CNBD1: variants seen among roughly 807,000 people sequenced by gnomAD.
The protein encoded by CNBD1 is cyclic nucleotide-binding domain-containing protein 1.
CNBD1 carries 71 observed loss-of-function variants against 54.4 expected under a neutral mutation model. That is an observed-to-expected ratio of 1.30 (90% CI 1.08 to 1.59). The LOEUF (loss-of-function observed/expected upper bound fraction) is 1.59. Among genes scored for constraint, CNBD1 ranks in the 40% most tolerant of loss-of-function variants. The pLI is 0.00. For synonymous variants in CNBD1, 182 were observed against 170.7 expected, an observed-to-expected ratio of 1.07 and a Z score of -0.51; for missense variants, 659 against 518.0, an observed-to-expected ratio of 1.27 and a Z score of -2.64.
At chr8:87,303,775 C>G (rs879783258) in intron 8 of CNBD1, among the ~76,000 whole-genome samples, 2 of 126,204 alleles carry the variant, frequency 1.6e-5, no homozygotes, top group Admixed American at 1.5e-4. Context: ...ACAATGAACT[C>G]AAACAAATTT....
chr8:87,056,297 G>A (rs1472125231), intron 4 of CNBD1, among the ~76,000 whole-genome samples: 1 of 152,198 alleles, frequency 6.6e-6, no homozygotes, highest in African/African-American at 2.4e-5. Flanking sequence ...TGGGCTGGGA[G>A]ATGAGGAATG....
chr8:87,038,675 T>G (rs1457384242), intron 4 of CNBD1, among the ~76,000 whole-genome samples: 2 of 152,254 alleles, frequency 1.3e-5, no homozygotes, highest in African/African-American at 4.8e-5. Flanking sequence ...GGCCATTCAT[T>G]ACCTTTACAA....
chr8:87,010,269 A>T (rs1809188978), intron 4 of CNBD1, among the ~76,000 whole-genome samples: 1 of 151,952 alleles, frequency 6.6e-6, no homozygotes, highest in African/African-American at 2.4e-5. Flanking sequence ...ACAATGGTTC[A>T]TGTGTTCCTG....
At chr8:87,303,863 A>G (rs1809077873) in intron 8 of CNBD1, among the ~76,000 whole-genome samples, 1 of 152,096 alleles carries the variant, frequency 6.6e-6, no homozygotes, top group South Asian at 2.1e-4. Flanking sequence ...AAGATATTAA[A>G]CAGCCAAAAG....
intron 8 of CNBD1, among the ~76,000 whole-genome samples, chr8:87,326,458 G>A (rs1363595078): frequency 1.6e-5 from 2 of 125,178 alleles, no homozygotes; most frequent in Non-Finnish European, 3.6e-5. Flanking sequence ...ACATAGATTT[G>A]GTCTTTTCAC....
chr8:86,933,531 A>G (rs970538505), intron 3 of CNBD1, among the ~76,000 whole-genome samples: 1 of 152,208 alleles, frequency 6.6e-6, no homozygotes, highest in East Asian at 1.9e-4. Flanking sequence ...TAAAAAACTA[A>G]AATGGTCTTT....
chr8:87,017,474 T>A (rs1297791787), intron 4 of CNBD1, among the ~76,000 whole-genome samples: 1 of 152,212 alleles, frequency 6.6e-6, no homozygotes, highest in East Asian at 1.9e-4. Flanking sequence ...ACTGCTTTGC[T>A]ATGGAATATT....
intron 3 of CNBD1, among the ~76,000 whole-genome samples, chr8:86,918,706 C>T (rs1490426012): frequency 6.6e-6 from 1 of 151,320 alleles, no homozygotes; most frequent in Non-Finnish European, 1.5e-5. Context: ...AACTGTGAGT[C>T]CATCAAATCT....
chr8:86,868,580 C>CT (rs74357701), intron 1 of CNBD1, among the ~76,000 whole-genome samples: 3 of 152,026 alleles, frequency 2.0e-5, no homozygotes, highest in South Asian at 2.1e-4. Context: ...ATCTGCCCCC[C>CT]TCAGCCTCCC....
intron 5 of CNBD1, among the ~76,000 whole-genome samples, chr8:87,234,325 AC>A (rs1807528831): frequency 2.0e-5 from 3 of 152,200 alleles, no homozygotes; most frequent in Admixed American, 1.3e-4. Context: ...TGTCCAGTTT[AC>A]TTTGCCCAGC....
intron 4 of CNBD1, among the ~76,000 whole-genome samples, chr8:87,021,092 T>C (rs1167859301): frequency 2.0e-5 from 3 of 152,356 alleles, no homozygotes; most frequent in Middle Eastern, 3.4e-3. Context: ...ATTTCTTAAA[T>C]GTATTTGATT....
intron 4 of CNBD1, among the ~76,000 whole-genome samples, chr8:87,185,929 A>G (rs900034555): frequency 2.6e-5 from 4 of 152,078 alleles, no homozygotes; most frequent in East Asian, 1.9e-4. Flanking sequence ...CCCATTCTTT[A>G]TCATAGAAAT....
intron 8 of CNBD1, among the ~76,000 whole-genome samples, chr8:87,325,834 G>A (rs1478846022): frequency 6.8e-6 from 1 of 147,620 alleles, no homozygotes; most frequent in Non-Finnish European, 1.5e-5. Context: ...GTGTGAATCT[G>A]ATCCTGTCAT....
intron 4 of CNBD1, among the ~76,000 whole-genome samples, chr8:87,098,416 A>G (rs1302446195): frequency 6.6e-6 from 1 of 152,208 alleles, no homozygotes; most frequent in Admixed American, 6.5e-5. Context: ...TAAATGTTAC[A>G]CAATGTGACA....
chr8:87,068,045 C>T (rs940320043), intron 4 of CNBD1, among the ~76,000 whole-genome samples: 10 of 151,970 alleles, frequency 6.6e-5, no homozygotes, highest in African/African-American at 2.4e-4. Flanking sequence ...TTTGAACATA[C>T]GTTAAGCATT....
intron 4 of CNBD1, among the ~76,000 whole-genome samples, chr8:86,969,621 T>C (rs932055593): frequency 6.6e-5 from 10 of 152,090 alleles, no homozygotes; most frequent in Non-Finnish European, 1.2e-4. Flanking sequence ...AAATTTATTA[T>C]GTGCATACAC....
intron 5 of CNBD1, among the ~76,000 whole-genome samples, chr8:87,210,774 C>T (rs1002434933): frequency 4.6e-5 from 7 of 152,182 alleles, no homozygotes; most frequent in African/African-American, 1.7e-4. Context: ...CAGGCAGAAG[C>T]CTGCTACAGG....
At chr8:87,293,457 T>C (rs1364134156) in intron 8 of CNBD1, among the ~76,000 whole-genome samples, 2 of 151,972 alleles carry the variant, frequency 1.3e-5, no homozygotes. Context: ...GGCAGGAGAA[T>C]CTCTTGAACC....
intron 6 of CNBD1, among the ~76,000 whole-genome samples, chr8:87,262,976 A>G (rs1452627387): frequency 6.6e-6 from 1 of 152,126 alleles, no homozygotes; most frequent in African/African-American, 2.4e-5. Context: ...TAGAGTGACT[A>G]AAGTAAGCAA....
Sources: gnomAD v4.1 joint callset for allele counts (sites outside exome capture counted in the v4.1 genomes callset) on GRCh38, gnomAD v4.1.1 for gene constraint, MANE v1.5 for transcripts, NCBI Gene and HGNC (gene_info 2026-07-23, HGNC 2026-07-21) for gene names.